HPSE2: variants seen among roughly 807,000 people sequenced by gnomAD.
HPSE2 encodes inactive heparanase-2.
A neutral mutation model predicts 60.5 loss-of-function variants in HPSE2; 38 were observed. The ratio of observed to expected loss-of-function variants is 0.63; its 90% CI spans 0.48 to 0.82. The LOEUF (loss-of-function observed/expected upper bound fraction) is 0.82. Ranked by LOEUF, HPSE2 falls within the 40% of genes least tolerant of loss-of-function variation. The pLI is 0.00. For synonymous variants in HPSE2, 295 were observed against 293.2 expected (o/e 1.01, Z -0.06); for missense variants, 713 against 740.4 (o/e 0.96, Z 0.43).
At chr10:98,661,076 G>A (rs1233480545) in intron 6 of HPSE2, among the ~76,000 whole-genome samples, 1 of 152,114 alleles carries the variant, frequency 6.6e-6, no homozygotes, top group Non-Finnish European at 1.5e-5. Flanking sequence ...CTCCCAGGGT[G>A]TATGAGCCTG....
rs1435568064 is a variant in HPSE2 at position 98,960,707 on chromosome 10, T to A, written c.610+183531A>T. Among the ~76,000 whole-genome samples, 3 of 54,196 alleles carry A rather than the reference T, an allele frequency of 5.5e-5. No homozygotes were observed. The East Asian group carries it at 1.7e-3, about 30-fold the overall frequency. 35.6% of individuals were successfully genotyped at this position (54,196 alleles called of 152,430 possible). A position where few individuals can be genotyped will look rare whatever the true frequency, so the allele number is the denominator to read the frequency against. The stretch of plus-strand genomic sequence containing the variant: ...CAGTTAACTATGTACATTTCTTTTT[T>A]TTTTTTTTTTTTTGTTTTATTTTTT... On this transcript the variant is annotated intron_variant, in intron 3 of 11. Coordinates refer to ENST00000370552, the MANE Select transcript of HPSE2 (RefSeq NM_021828.5).
chr10:98,592,591 G>T (rs1337532666), intron 9 of HPSE2, among the ~76,000 whole-genome samples: 1 of 152,158 alleles, frequency 6.6e-6, no homozygotes, highest in Non-Finnish European at 1.5e-5. Context: ...CAGTCTTTGA[G>T]CTCAGGAAAT....
At chr10:98,725,507 TAAATGTTAGA>T (rs1949049779) in intron 4 of HPSE2, among the ~76,000 whole-genome samples, 1 of 152,154 alleles carries the variant, frequency 6.6e-6, no homozygotes, top group East Asian at 1.9e-4. Context: ...ATTAAAGACT[TAAATGTTAGA>T]CCTAAAACCA....
At chr10:99,248,802 C>T in the HPSE2 span, among the ~76,000 whole-genome samples, 3 of 152,214 alleles carry the variant, frequency 2.0e-5, no homozygotes, top group Admixed American at 2.0e-4. Flanking sequence ...CCTGTGCAAC[C>T]TCAGGACGCT....
At position 99,139,780 on chromosome 10, in the gene HPSE2, C is replaced by G. The variant is rs1845798641; in HGVS notation, c.610+4458G>C. Among the ~76,000 whole-genome samples the G allele has an allele frequency of 2.6e-5, 4 of 152,000 alleles. No individual in the cohort carries two copies. In the South Asian group the frequency reaches 8.3e-4, roughly 31 times the overall value. On this transcript the variant is annotated intron_variant, in intron 3 of 11. Transcript: ENST00000370552. The stretch of plus-strand genomic sequence containing the variant: ...CACATTTTACATTAGTGTCAGGAGA[C>G]AAGGAACCATCTACTTCATTTACTT...
chr10:98,710,580 G>A (rs1948652067), intron 5 of HPSE2, among the ~76,000 whole-genome samples: 1 of 151,990 alleles, frequency 6.6e-6, no homozygotes, highest in Non-Finnish European at 1.5e-5. Flanking sequence ...ATGAAGAAAG[G>A]AAAAAATAAG....
intron 9 of HPSE2, among the ~76,000 whole-genome samples, chr10:98,508,766 G>A (rs184994889): frequency 4.6e-5 from 7 of 152,270 alleles, no homozygotes; most frequent in Non-Finnish European, 5.9e-5. Context: ...CGCAAATACT[G>A]TGAGATGGGA....
At chr10:98,839,825 CA>C (rs749287151) in intron 3 of HPSE2, among the ~76,000 whole-genome samples, 24 of 151,824 alleles carry the variant, frequency 1.6e-4, no homozygotes, top group Non-Finnish European at 3.2e-4. Flanking sequence ...CCAGGATTCA[CA>C]AAAAGAAAGG....
intron 6 of HPSE2, among the ~76,000 whole-genome samples, chr10:98,655,402 G>C (rs898120665): frequency 6.6e-6 from 1 of 152,162 alleles, no homozygotes; most frequent in African/African-American, 2.4e-5. Context: ...AGCAATTCAT[G>C]GGAATTACCA....
intron 9 of HPSE2, among the ~76,000 whole-genome samples, chr10:98,598,534 G>T (rs7090780): frequency 0.38 from 58,484 of 152,042 alleles, 11,423 homozygotes; most frequent in East Asian, 0.51. Flanking sequence ...AATCTTCTGG[G>T]ACCAGCCAGG....
intron 3 of HPSE2, among the ~76,000 whole-genome samples, chr10:98,899,228 G>A (rs1005245566): frequency 2.6e-5 from 4 of 152,092 alleles, no homozygotes; most frequent in African/African-American, 9.7e-5. Flanking sequence ...TAACTTTATT[G>A]CCCAAAACAG....
intron 9 of HPSE2, among the ~76,000 whole-genome samples, chr10:98,538,912 G>C (rs908660929): frequency 5.3e-5 from 8 of 152,180 alleles, no homozygotes; most frequent in Non-Finnish European, 8.8e-5. Flanking sequence ...GACACTGATG[G>C]GGCCATAGCC....
chr10:99,273,451 A>T, the HPSE2 span, among the ~76,000 whole-genome samples: 4 of 152,214 alleles, frequency 2.6e-5, no homozygotes, highest in South Asian at 2.1e-4. Flanking sequence ...AGTTGAAGAA[A>T]AAAAATCATG....
chr10:99,068,545 G>C (rs1042718903), intron 3 of HPSE2, among the ~76,000 whole-genome samples: 1 of 152,140 alleles, frequency 6.6e-6, no homozygotes, highest in Non-Finnish European at 1.5e-5. Context: ...CTGCCCCCAT[G>C]ATTCAATTAT....
intron 5 of HPSE2, among the ~76,000 whole-genome samples, chr10:98,696,292 TAAAAAAAAAAA>T (rs71009706): frequency 4.5e-5 from 4 of 89,658 alleles, no homozygotes; most frequent in Non-Finnish European, 9.1e-5. Flanking sequence ...GAGGCTCCCA[TAAAAAAAAAAA>T]AAAAAAAAAA....
chr10:98,762,605 T>C (rs1252978303), intron 3 of HPSE2, among the ~76,000 whole-genome samples: 2 of 151,386 alleles, frequency 1.3e-5, no homozygotes, highest in African/African-American at 4.9e-5. Context: ...GAGTGGTACA[T>C]GTACTGGGTA....
intron 7 of HPSE2, among the ~76,000 whole-genome samples, chr10:98,638,262 G>A (rs1030009012): frequency 3.3e-5 from 5 of 151,130 alleles, no homozygotes; most frequent in South Asian, 4.2e-4. Context: ...TGGCTAACAC[G>A]GTGAAACCCC....
At chr10:98,597,297 T>C (rs1945265936) in intron 9 of HPSE2, among the ~76,000 whole-genome samples, 1 of 152,146 alleles carries the variant, frequency 6.6e-6, no homozygotes. Flanking sequence ...GGATAAGGAA[T>C]GTTTTCTGCT....
intron 9 of HPSE2, among the ~76,000 whole-genome samples, chr10:98,613,740 C>G (rs940882247): frequency 1.3e-5 from 2 of 152,230 alleles, no homozygotes; most frequent in Non-Finnish European, 2.9e-5. Context: ...ACATGTCCCA[C>G]CTCCTTGCCC....
Sources: gnomAD v4.1 joint callset for allele counts (sites outside exome capture counted in the v4.1 genomes callset) on GRCh38, gnomAD v4.1.1 for gene constraint, MANE v1.5 for transcripts, NCBI Gene and HGNC (gene_info 2026-07-23, HGNC 2026-07-21) for gene names.